Variants in DDHD1 observed in about 807,000 individuals in gnomAD.
DDHD1 encodes the protein DDHD domain containing 1, also known as phospholipase DDHD1.
DDHD1 carries 49 observed loss-of-function variants against 96.4 expected under a neutral mutation model. The ratio of observed to expected loss-of-function variants is 0.51; its 90% CI spans 0.40 to 0.64. The LOEUF (loss-of-function observed/expected upper bound fraction) is 0.64, where lower values mean the gene tolerates loss of function less well. DDHD1 is among the 30% of genes least tolerant of loss of function. The pLI is 0.00. For missense variants in DDHD1, 1,106 were observed against 1,161.2 expected (o/e 0.95, Z 0.69); for synonymous variants, 442 against 446.5 (o/e 0.99, Z 0.13).
chr14:53,149,619 A>G (rs1055941587), intron 1 of DDHD1, among the ~76,000 whole-genome samples: 1 of 152,248 alleles, frequency 6.6e-6, no homozygotes, highest in African/African-American at 2.4e-5. Flanking sequence ...TATAGCTTAT[A>G]CAAGGGCTTG....
intron 1 of DDHD1, among the ~76,000 whole-genome samples, chr14:53,124,086 T>C (rs1889233076): frequency 6.6e-6 from 1 of 151,596 alleles, no homozygotes; most frequent in African/African-American, 2.4e-5. Context: ...ACAAAAAAAA[T>C]TAGCCGGGCA....
intron 6 of DDHD1, among the ~76,000 whole-genome samples, chr14:53,070,483 T>C (rs1305799768): frequency 2.0e-5 from 3 of 152,192 alleles, no homozygotes; most frequent in African/African-American, 7.2e-5. Context: ...TGATACTATT[T>C]TGGGTTAGAA....
intron 4 of DDHD1, among the ~76,000 whole-genome samples, chr14:53,091,015 T>C (rs557853254): frequency 6.6e-6 from 1 of 152,328 alleles, no homozygotes; most frequent in South Asian, 2.1e-4. Flanking sequence ...TATCACACAC[T>C]GTTTGCTTTA....
Position 53,044,013 on chromosome 14 carries a change from C to T in DDHD1, c.*2755G>A, listed in dbSNP as rs982660595. On this transcript the variant is annotated 3_prime_UTR_variant, in exon 13 of 13. Transcript: ENST00000673822. ...TATCAAAAACAAAACTTTTTTTGGC[C>T]GATTTAGTACTTGCTGGAATAAAGT... 9.2e-5 allele frequency: 14 copies of T among 151,924 alleles called. No individual in the cohort carries two copies. Among genetic ancestry groups the T allele is most frequent in the African/African-American group, 1.5e-4 (6 of 41,360 alleles). 9.4% of individuals were successfully genotyped at this position (151,924 alleles called of 1,614,324 possible).
chr14:53,061,245 T>C (rs771358351), intron 7 of DDHD1, 44 bp from the exon 8 acceptor site: 2 of 1,503,800 alleles, frequency 1.3e-6, no homozygotes, highest in Admixed American at 4.3e-5. Context: ...TATTTATAAT[T>C]TCATAAATAT....
chr14:53,152,489 G>T lies in DDHD1; in HGVS notation c.610C>A (p.Arg204=), dbSNP rs1303476683. The part of the protein sequence containing the change: ...FRTLLQTTGA[R]PQGGDRDGDH... ...CCGTCCCGGTCCCCGCCCTGGGGCC[G>T]GGCACCCGTGGTCTGCAGCAGGGTC... The change falls in exon 1 of 13, where the codon CGG becomes AGG. Residue 204 remains arginine (R), a synonymous_variant. Transcript: ENST00000673822. The T allele has an allele frequency of 6.2e-7, 1 of 1,612,928 alleles. No individual in the cohort carries two copies. Among genetic ancestry groups the T allele is most frequent in the Non-Finnish European group, 8.5e-7 (1 of 1,179,744 alleles).
intron 2 of DDHD1, among the ~76,000 whole-genome samples, chr14:53,100,461 C>T (rs1052215871): frequency 3.9e-5 from 6 of 152,200 alleles, no homozygotes; most frequent in Non-Finnish European, 7.4e-5. Context: ...GAGAAAGACC[C>T]TGTCTCCAAA....
chr14:53,060,029 T>C (rs912125119), intron 8 of DDHD1, among the ~76,000 whole-genome samples: 7 of 152,112 alleles, frequency 4.6e-5, no homozygotes, highest in Admixed American at 2.0e-4. Flanking sequence ...AAAAACACTT[T>C]GTAAGTAATG....
In DDHD1 at chr14:53,142,455, C is replaced by T. The variant is rs1396159730; in HGVS notation, c.838+9806G>A. On this transcript the variant is annotated intron_variant, in intron 1 of 12. Transcript: ENST00000673822. ...TTGTGGGCCATTTTTTTCTTGCCGGCATGGCAAAAAAAAAAAAAAAACAGG... is the reference window on the plus strand; with the variant it reads ...TTGTGGGCCATTTTTTTCTTGCCGGTATGGCAAAAAAAAAAAAAAAACAGG... Among the ~76,000 whole-genome samples, 4 of 128,548 alleles carry T rather than the reference C, an allele frequency of 3.1e-5. No homozygotes were observed. The South Asian group carries it at 9.6e-4, about 31-fold the overall frequency. The allele number at this position is 128,548 out of a possible 152,430, so 84.3% of individuals were successfully genotyped here.
At chr14:53,100,398 T>C (rs1416305374) in intron 2 of DDHD1, among the ~76,000 whole-genome samples, 1 of 151,858 alleles carries the variant, frequency 6.6e-6, no homozygotes, top group Non-Finnish European at 1.5e-5. Context: ...AGCCCGGGAG[T>C]TAGAAGCTGC....
At chr14:53,058,052 C>G (rs1337244437) in intron 9 of DDHD1, among the ~76,000 whole-genome samples, 1 of 152,192 alleles carries the variant, frequency 6.6e-6, no homozygotes, top group Non-Finnish European at 1.5e-5. Context: ...GTTGCCCAGG[C>G]TAGTCTCGAA....
At chr14:53,083,130 ATTC>A (rs1375252262) in intron 4 of DDHD1, among the ~76,000 whole-genome samples, 3 of 148,814 alleles carry the variant, frequency 2.0e-5, no homozygotes. Context: ...TTTCGTTGAT[ATTC>A]TTGTCACTAT....
intron 4 of DDHD1, among the ~76,000 whole-genome samples, chr14:53,077,204 C>A (rs1325716347): frequency 6.6e-6 from 1 of 152,138 alleles, no homozygotes; most frequent in African/African-American, 2.4e-5. Context: ...GACTACTACT[C>A]CATATGTACA....
intron 1 of DDHD1, among the ~76,000 whole-genome samples, chr14:53,131,347 A>G (rs1326011457): frequency 6.6e-6 from 1 of 152,120 alleles, no homozygotes; most frequent in Non-Finnish European, 1.5e-5. Flanking sequence ...CTATCCCATT[A>G]AAATCTAATC....
intron 12 of DDHD1, chr14:53,048,431 A>C (rs1326674141): frequency 6.8e-6 from 1 of 146,278 alleles, no homozygotes; most frequent in African/African-American, 2.6e-5. Flanking sequence ...TCCGCCTCCC[A>C]GGTTCAAGCG....
At chr14:53,079,272 A>G (rs575863486) in intron 4 of DDHD1, among the ~76,000 whole-genome samples, 19 of 152,080 alleles carry the variant, frequency 1.2e-4, no homozygotes, top group African/African-American at 4.6e-4. Flanking sequence ...TTTGTAGAGA[A>G]GTGGTGCTAA....
At chr14:53,058,396 T>C in intron 9 of DDHD1, 81 bp downstream of exon 9, 1 of 1,470,950 alleles carries the variant, frequency 6.8e-7, no homozygotes, top group Non-Finnish European at 9.2e-7. Flanking sequence ...ATTACAAGCG[T>C]GAGCCACTGT....
At position 53,045,554 on chromosome 14, in the gene DDHD1, T is replaced by C. The variant is rs574864626; in HGVS notation, c.*1214A>G. On this transcript the variant is annotated 3_prime_UTR_variant, in exon 13 of 13. Coordinates refer to ENST00000673822, the MANE Select transcript of DDHD1 (RefSeq NM_001160148.2). ...CAAGCTTTTCTGATTTCTGATGTAATCTAATTCATGGCACTTTAAATGTTT... is the reference window on the plus strand; with the variant it reads ...CAAGCTTTTCTGATTTCTGATGTAACCTAATTCATGGCACTTTAAATGTTT... 1.3e-5 allele frequency: 2 copies of C among 152,220 alleles called. No homozygotes were observed. Among genetic ancestry groups the C allele is most frequent in the Non-Finnish European group, 2.9e-5 (2 of 68,034 alleles). The allele number at this position is 152,220 out of a possible 1,614,324, so 9.4% of individuals were successfully genotyped here. A position where few individuals can be genotyped will look rare whatever the true frequency, so the allele number is the denominator to read the frequency against.
intron 1 of DDHD1, among the ~76,000 whole-genome samples, chr14:53,124,782 TTAGC>T (rs1290105598): frequency 2.6e-5 from 4 of 152,214 alleles, no homozygotes; most frequent in Non-Finnish European, 4.4e-5. Flanking sequence ...TCTGTATTAG[TTAGC>T]TAGGGCTGCT....
Sources: gnomAD v4.1 joint callset for allele counts (sites outside exome capture counted in the v4.1 genomes callset) on GRCh38, gnomAD v4.1.1 for gene constraint, MANE v1.5 for transcripts, NCBI Gene and HGNC (gene_info 2026-07-23, HGNC 2026-07-21) for gene names.